Variants in ACAD11 observed in about 807,000 individuals in gnomAD.
ACAD11 encodes the protein acyl-Coenzyme A dehydrogenase family, member 11.
In ACAD11, 83 loss-of-function variants were observed where a neutral mutation model predicts 102.2. The observed-to-expected ratio is 0.81, with a 90% CI of 0.68 to 0.97. The LOEUF (loss-of-function observed/expected upper bound fraction) is 0.97. Among genes scored for constraint, ACAD11 ranks in the 50% least tolerant of loss-of-function variants. The pLI, the probability that ACAD11 is intolerant of heterozygous loss-of-function variation, is 0.00. For synonymous variants in ACAD11, 324 were observed against 319.8 expected, an observed-to-expected ratio of 1.01 and a Z score of -0.14; for missense variants, 901 against 951.7, an observed-to-expected ratio of 0.95 and a Z score of 0.70.
intron 11 of ACAD11, among the ~76,000 whole-genome samples, chr3:132,605,646 G>A (rs920779303): frequency 6.6e-6 from 1 of 152,168 alleles, no homozygotes; most frequent in Non-Finnish European, 1.5e-5. Flanking sequence ...CACACCCTGT[G>A]CTTTCTAATT....
chr3:132,602,888 C>T (rs750512899), intron 13 of ACAD11, among the ~76,000 whole-genome samples: 4 of 152,098 alleles, frequency 2.6e-5, no homozygotes, highest in East Asian at 3.9e-4. Flanking sequence ...TGTCAACTTC[C>T]GCCACCCGGG....
chr3:132,634,409 G>A (rs1940186512), intron 5 of ACAD11, among the ~76,000 whole-genome samples: 1 of 152,208 alleles, frequency 6.6e-6, no homozygotes, highest in African/African-American at 2.4e-5. Flanking sequence ...GGAAACAACA[G>A]GTGCTGGAGA....
intron 11 of ACAD11, among the ~76,000 whole-genome samples, chr3:132,611,474 C>G (rs1396591179): frequency 6.6e-6 from 1 of 152,026 alleles, no homozygotes; most frequent in Non-Finnish European, 1.5e-5. Context: ...TCTAGAAAAC[C>G]CCATCGTCTC....
intron 17 of ACAD11, among the ~76,000 whole-genome samples, chr3:132,574,507 G>C (rs1400063735): frequency 2.0e-5 from 3 of 152,030 alleles, no homozygotes; most frequent in Non-Finnish European, 4.4e-5. Context: ...ATATAATGCT[G>C]AATAATACTT....
intron 5 of ACAD11, among the ~76,000 whole-genome samples, chr3:132,635,141 G>A (rs1183606492): frequency 6.6e-6 from 1 of 150,880 alleles, no homozygotes; most frequent in Admixed American, 6.6e-5. Flanking sequence ...AGTTGAAAAG[G>A]TATTGCACCA....
intron 11 of ACAD11, 42 bp from the exon 12 acceptor site, chr3:132,605,247 T>G (rs1938792102): frequency 1.3e-6 from 2 of 1,482,384 alleles, no homozygotes; most frequent in Non-Finnish European, 1.9e-6. Context: ...TTTGAAAATT[T>G]ATCAGTATGA....
chr3:132,594,118 C>T (rs72998161), intron 13 of ACAD11, among the ~76,000 whole-genome samples: 2,434 of 152,266 alleles, frequency 0.016, 64 homozygotes, highest in African/African-American at 0.055. Context: ...TTCATACACA[C>T]GCTACCAGAG....
intron 11 of ACAD11, among the ~76,000 whole-genome samples, chr3:132,608,492 C>T (rs952106693): frequency 3.9e-5 from 6 of 151,976 alleles, no homozygotes; most frequent in African/African-American, 1.2e-4. Flanking sequence ...GGTTGCAATC[C>T]TAGTTTCTAA....
intron 9 of ACAD11, among the ~76,000 whole-genome samples, chr3:132,624,421 A>T (rs1939728945): frequency 6.6e-6 from 1 of 151,434 alleles, no homozygotes; most frequent in Admixed American, 6.6e-5. Context: ...CCTGGCCAAT[A>T]TGGTGAAACT....
At chr3:132,651,238 C>G (rs1214834255) in intron 1 of ACAD11, among the ~76,000 whole-genome samples, 2 of 152,152 alleles carry the variant, frequency 1.3e-5, no homozygotes, top group Non-Finnish European at 2.9e-5. Flanking sequence ...CCATGAGACT[C>G]TGCCACCCTC....
At chr3:132,653,385 A>G (rs536981294) in intron 1 of ACAD11, among the ~76,000 whole-genome samples, 3 of 152,304 alleles carry the variant, frequency 2.0e-5, no homozygotes, top group Non-Finnish European at 4.4e-5. Context: ...ATCTGTACAC[A>G]TATATTCTGT....
At chr3:132,573,408 G>T (rs1004588389) in intron 17 of ACAD11, among the ~76,000 whole-genome samples, 4 of 151,906 alleles carry the variant, frequency 2.6e-5, no homozygotes, top group African/African-American at 9.7e-5. Context: ...TTTTTATATT[G>T]ATTTCATGTT....
At chr3:132,634,711 G>T (rs1459381154) in intron 5 of ACAD11, among the ~76,000 whole-genome samples, 5 of 152,064 alleles carry the variant, frequency 3.3e-5, no homozygotes, top group Non-Finnish European at 7.4e-5. Flanking sequence ...ATACACTATG[G>T]AATACTATGC....
chr3:132,640,548 C>T (rs1340812998), intron 4 of ACAD11, among the ~76,000 whole-genome samples: 2 of 152,118 alleles, frequency 1.3e-5, no homozygotes, highest in African/African-American at 4.8e-5. Context: ...TGTTTATTTG[C>T]TTTTTTATCT....
At chr3:132,607,328 A>G (rs1938890808) in intron 11 of ACAD11, among the ~76,000 whole-genome samples, 1 of 152,214 alleles carries the variant, frequency 6.6e-6, no homozygotes, top group South Asian at 2.1e-4. Flanking sequence ...AACTCCTCTG[A>G]GCTAAAGAAG....
chr3:132,622,589 T>C (rs1576598347), intron 9 of ACAD11, among the ~76,000 whole-genome samples: 4 of 152,338 alleles, frequency 2.6e-5, no homozygotes, highest in Non-Finnish European at 5.9e-5. Flanking sequence ...TTCTAAATTT[T>C]ATCCATTTAG....
At chr3:132,586,573 G>T (rs1937838828) in intron 13 of ACAD11, among the ~76,000 whole-genome samples, 1 of 151,834 alleles carries the variant, frequency 6.6e-6, no homozygotes, top group African/African-American at 2.4e-5. Flanking sequence ...AAAATTATCT[G>T]TCCCATTTTT....
At chr3:132,655,305 T>G (rs1453280428) in intron 1 of ACAD11, among the ~76,000 whole-genome samples, 1 of 152,088 alleles carries the variant, frequency 6.6e-6, no homozygotes, top group African/African-American at 2.4e-5. Context: ...GAGATTCTGT[T>G]TTTTTTGTTG....
intron 2 of ACAD11, 47 bp from the exon 3 acceptor site, chr3:132,642,849 T>G: frequency 6.4e-7 from 1 of 1,572,370 alleles, no homozygotes; most frequent in African/African-American, 1.4e-5. Context: ...CTGATTTAAT[T>G]GTAATTAAAT....
Sources: gnomAD v4.1 joint callset for allele counts (sites outside exome capture counted in the v4.1 genomes callset) on GRCh38, gnomAD v4.1.1 for gene constraint, MANE v1.5 for transcripts, NCBI Gene and HGNC (gene_info 2026-07-23, HGNC 2026-07-21) for gene names.